The following PPCDC variants were observed in gnomAD, a reference collection of about 807,000 sequenced individuals.
PPCDC encodes phosphopantothenoylcysteine decarboxylase.
Under a neutral mutation model 20.7 loss-of-function variants are expected in PPCDC, and 20 were observed. That is an observed-to-expected ratio of 0.97 (90% CI 0.68 to 1.41). PPCDC has a LOEUF of 1.41. Ranked by LOEUF, PPCDC falls within the 40% of genes most tolerant of loss-of-function variation. The probability of loss-of-function intolerance (pLI) is 0.00; values close to 1 mark genes in which losing one functional copy is unlikely to be tolerated. For missense variants in PPCDC, 246 were observed against 263.8 expected (o/e 0.93, Z 0.47); for synonymous variants, 88 against 100.3 (o/e 0.88, Z 0.73).
intron 3 of PPCDC, among the ~76,000 whole-genome samples, chr15:75,044,076 C>A (rs1567062144): frequency 6.8e-6 from 1 of 146,792 alleles, no homozygotes; most frequent in African/African-American, 2.5e-5. Flanking sequence ...TTTCCACTGG[C>A]TTGGACAACC....
chr15:75,038,210 A>G (rs1223193548), intron 2 of PPCDC, among the ~76,000 whole-genome samples: 4 of 152,234 alleles, frequency 2.6e-5, no homozygotes, highest in Non-Finnish European at 5.9e-5. Flanking sequence ...CAACTTGGAA[A>G]GAGTTTCTTC....
intron 4 of PPCDC, among the ~76,000 whole-genome samples, chr15:75,045,869 G>A (rs1190420852): frequency 1.3e-5 from 2 of 150,436 alleles, no homozygotes; most frequent in South Asian, 2.1e-4. Flanking sequence ...TAGCCAGTGC[G>A]CTCCAGCCTG....
At chr15:75,048,180 C>T (rs181742781) in intron 4 of PPCDC, among the ~76,000 whole-genome samples, 1 of 152,300 alleles carries the variant, frequency 6.6e-6, no homozygotes, top group Admixed American at 6.5e-5. Flanking sequence ...TAGATGAGCC[C>T]CACCTGAGGA....
At chr15:75,048,023 G>A (rs543835257) in intron 4 of PPCDC, among the ~76,000 whole-genome samples, 62 of 152,302 alleles carry the variant, frequency 4.1e-4, no homozygotes, top group African/African-American at 1.4e-3. Context: ...ACCTCTCAGG[G>A]AGCAGCTCCC....
intron 5 of PPCDC, 100 bp downstream of exon 5, chr15:75,048,821 A>G: frequency 7.2e-7 from 1 of 1,392,846 alleles, no homozygotes; most frequent in Admixed American, 2.5e-5. Flanking sequence ...ACCTTAGCAA[A>G]CCATTCTCTG....
intron 2 of PPCDC, among the ~76,000 whole-genome samples, chr15:75,042,129 C>G (rs751205682): frequency 2.0e-5 from 3 of 152,228 alleles, no homozygotes; most frequent in Admixed American, 6.5e-5. Flanking sequence ...AACAGCATGT[C>G]TATAGGCTGG....
chr15:75,044,096 G>A lies in PPCDC; in HGVS notation c.232-290G>A, dbSNP rs1414402965. 2.7e-5 allele frequency among the ~76,000 whole-genome samples: 3 copies of A among 111,934 alleles called. 1 individual carries two copies. The highest frequency in any genetic ancestry group is 6.2e-4 in the South Asian group (2 of 3,226). 73.4% of individuals were successfully genotyped at this position (111,934 alleles called of 152,430 possible). ...ACTGGCTTGGACAACCCAAGCATCC[G>A]CCTCAAGCAGACAGGCCGGGAGCTC... On this transcript the variant is annotated intron_variant, in intron 3 of 5. Coordinates refer to ENST00000342932, the MANE Select transcript of PPCDC (RefSeq NM_021823.5).
At chr15:75,038,440 C>T (rs2066111666) in intron 2 of PPCDC, among the ~76,000 whole-genome samples, 1 of 152,190 alleles carries the variant, frequency 6.6e-6, no homozygotes, top group South Asian at 2.1e-4. Context: ...GGAAGTTTAC[C>T]AGGGACATGT....
chr15:75,044,383 C>G lies in PPCDC; in HGVS notation c.232-3C>G. 6.2e-6 allele frequency: 10 copies of G among 1,613,524 alleles called. No individual in the cohort carries two copies. Among genetic ancestry groups the G allele is most frequent in the Non-Finnish European group, 8.5e-6 (10 of 1,179,838 alleles). ...ACTGACCCCTTTTTCTTCCCTCTGC[C>G]AGATATGGAAGAGCCGCTCTGACCC... On this transcript the variant is annotated splice_polypyrimidine_tract_variant and splice_region_variant and intron_variant, in intron 3 of 5. Coordinates refer to ENST00000342932, the MANE Select transcript of PPCDC (RefSeq NM_021823.5).
chr15:75,024,606 G>C (rs2065940795), intron 1 of PPCDC, among the ~76,000 whole-genome samples: 2 of 151,478 alleles, frequency 1.3e-5, no homozygotes, highest in African/African-American at 4.9e-5. Context: ...CTCCTTCCTT[G>C]GCCTCTCAAA....
At chr15:75,025,400 CT>C (rs2141470880) in intron 1 of PPCDC, among the ~76,000 whole-genome samples, 1 of 152,344 alleles carries the variant, frequency 6.6e-6, no homozygotes, top group East Asian at 1.9e-4. Context: ...CTTGCTCTGT[CT>C]TTAGTCTGGT....
chr15:75,033,657 T>G (rs1027802176), intron 2 of PPCDC, among the ~76,000 whole-genome samples: 4 of 151,734 alleles, frequency 2.6e-5, no homozygotes, highest in Non-Finnish European at 5.9e-5. Context: ...TTTGAGGATT[T>G]CTCTTTTTTT....
intron 2 of PPCDC, 47 bp downstream of exon 2, chr15:75,028,500 C>T: frequency 6.2e-7 from 1 of 1,610,124 alleles, no homozygotes; most frequent in Non-Finnish European, 8.5e-7. Context: ...GCATGGGAGG[C>T]CGGTGCTCCC....
chr15:75,038,783 T>G (rs956116785), intron 2 of PPCDC, among the ~76,000 whole-genome samples: 1 of 152,182 alleles, frequency 6.6e-6, no homozygotes, highest in Non-Finnish European at 1.5e-5. Context: ...CTGTTCTCTC[T>G]GGAACTCTTT....
At chr15:75,044,303 G>C (rs2066196376) in intron 3 of PPCDC, 83 bp from the exon 4 acceptor site, 2 of 1,569,604 alleles carry the variant, frequency 1.3e-6, no homozygotes, top group African/African-American at 2.7e-5. Context: ...GGGTTCCTCA[G>C]TCTCCTGACT....
In PPCDC at chr15:75,028,286, A is replaced by C. The variant is rs1351013965; in HGVS notation, c.-33A>C. 7 of 1,609,854 alleles carry C rather than the reference A, an allele frequency of 4.3e-6. No individual in the cohort carries two copies. Among genetic ancestry groups the C allele is most frequent in the Non-Finnish European group, 5.1e-6 (6 of 1,178,742 alleles). On this transcript the variant is annotated 5_prime_UTR_variant, in exon 2 of 6. Transcript: ENST00000342932. ...CAGCTTTATAGAGCCCAGGCCTGGC[A>C]GGCTCCCAGAACTTGAAGCCACCAG...
At chr15:75,040,564 C>CAGA (rs972018969) in intron 2 of PPCDC, among the ~76,000 whole-genome samples, 2 of 152,116 alleles carry the variant, frequency 1.3e-5, no homozygotes, top group African/African-American at 4.8e-5. Flanking sequence ...AATTTTAATA[C>CAGA]AGAAGATGAG....
chr15:75,028,346 G>A lies in PPCDC; in HGVS notation c.28G>A (p.Ala10Thr), dbSNP rs761596670. The A allele has an allele frequency of 1.2e-6, 2 of 1,614,070 alleles. No homozygotes were observed. Among genetic ancestry groups the A allele is most frequent in the African/African-American group, 1.3e-5 (1 of 74,906 alleles). The part of the protein sequence containing the change: MEPKASCPA[A>T]APLMERKFHV... The stretch of plus-strand genomic sequence containing the variant: ...GGAACCAAAGGCCTCCTGTCCAGCT[G>A]CTGCACCCTTGATGGAGAGAAAATT... Residue 10 changes from alanine (A) to threonine (T), a missense_variant, in exon 2 of 6, where the codon GCT (alanine) becomes ACT (threonine). Around this residue, in one of 2 missense-constraint regions of PPCDC, gnomAD observed 225 missense variants for 222.6 expected, o/e 1.01. Transcript: ENST00000342932.
Position 75,043,381 on chromosome 15 carries a change from C to G in PPCDC, c.136-60C>G, listed in dbSNP as rs542860970. On this transcript the variant is annotated intron_variant, in intron 2 of 5. Coordinates refer to ENST00000342932, the MANE Select transcript of PPCDC (RefSeq NM_021823.5). ...CCTGACCCTCCTGTGGCCTCCAGGC[C>G]TGTGGCTCTGGTAACAGTTTCTTCC... 5.0e-5 allele frequency: 74 copies of G among 1,470,684 alleles called. 1 individual carries two copies. In the African/African-American group the frequency reaches 6.0e-4, roughly 12 times the overall value. 91.1% of individuals were successfully genotyped at this position (1,470,684 alleles called of 1,614,324 possible). A position where few individuals can be genotyped will look rare whatever the true frequency, so the allele number is the denominator to read the frequency against.
Sources: gnomAD v4.1 joint callset for allele counts (sites outside exome capture counted in the v4.1 genomes callset) on GRCh38, gnomAD v4.1.1 for gene constraint, gnomAD v4.1.1 regional missense constraint, MANE v1.5 for transcripts, NCBI Gene and HGNC (gene_info 2026-07-23, HGNC 2026-07-21) for gene names.